IARS1: variants seen among roughly 807,000 people sequenced by gnomAD.
IARS1 encodes isoleucyl-tRNA synthetase 1.
Under a neutral mutation model 168.2 loss-of-function variants are expected in IARS1, and 124 were observed. The ratio of observed to expected loss-of-function variants is 0.74; its 90% CI spans 0.64 to 0.86. The LOEUF (loss-of-function observed/expected upper bound fraction) is 0.86, where lower values mean the gene tolerates loss of function less well. IARS1 is among the 40% of genes least tolerant of loss of function. The probability of loss-of-function intolerance (pLI) is 0.00; values close to 1 mark genes in which losing one functional copy is unlikely to be tolerated. For missense variants in IARS1, 1,452 were observed against 1,515.8 expected (o/e 0.96, Z 0.70); for synonymous variants, 532 against 529.4 (o/e 1.00, Z -0.07).
rs753451277 is a variant in IARS1, at chr9:92,222,525, G to A, written c.3701C>T (p.Thr1234Met). ...ACGGTCCACAATCTCCTTACCCTGC[G>A]TTTGGGTCTCATTCAGAAACAGCTT... Reference protein sequence around the residue: ...KLKLFLNETQTQEITEDIPVK... With the variant: ...KLKLFLNETQMQEITEDIPVK... Residue 1234 changes from threonine (T) to methionine (M), a missense_variant, in exon 33 of 34, where the codon ACG becomes ATG. Coordinates refer to ENST00000443024, the MANE Select transcript of IARS1 (RefSeq NM_002161.6). The A allele has an allele frequency of 9.3e-6, 15 of 1,613,570 alleles. No homozygotes were observed. The highest frequency in any genetic ancestry group is 3.3e-5 in the Admixed American group (2 of 59,876).
chr9:92,232,405 G>A (rs1826857920), intron 30 of IARS1, among the ~76,000 whole-genome samples: 2 of 152,178 alleles, frequency 1.3e-5, no homozygotes, highest in South Asian at 2.1e-4. Flanking sequence ...GTTATAACTA[G>A]AATAAGAGAA....
chr9:92,280,653 T>C, intron 7 of IARS1, 93 bp downstream of exon 7: 1 of 714,608 alleles, frequency 1.4e-6, no homozygotes, highest in South Asian at 2.9e-5. Context: ...ATAATTCTAT[T>C]CTTCATGCAA....
Position 92,229,081 on chromosome 9 carries a change from T to C in IARS1, c.3329A>G (p.Asp1110Gly), listed in dbSNP as rs1826214346. The stretch of plus-strand genomic sequence containing the variant: ...GACAACACTCTTCAGCTTTAAAAGG[T>C]CCAACCTATTGTCACCTTTTGGATT... ...LENPKGDNRL[D>G]LLKLKSVVTS... The change falls in exon 31 of 34, where the codon GAC (aspartate) becomes GGC (glycine). Residue 1110 changes from aspartate (D) to glycine (G), a missense_variant. Transcript: ENST00000443024. The C allele has an allele frequency of 1.2e-6, 2 of 1,613,856 alleles. No homozygotes were observed. The highest frequency in any genetic ancestry group is 2.2e-5 in the South Asian group (2 of 91,056).
chr9:92,290,661 T>C (rs1836176701), intron 1 of IARS1, among the ~76,000 whole-genome samples: 1 of 152,194 alleles, frequency 6.6e-6, no homozygotes, highest in Non-Finnish European at 1.5e-5. Context: ...CAAATAATTT[T>C]ATTTTCGTAT....
intron 11 of IARS1, 40 bp downstream of exon 11, chr9:92,271,493 G>A: frequency 1.9e-6 from 3 of 1,610,306 alleles, no homozygotes; most frequent in Non-Finnish European, 2.5e-6. Context: ...AGACTAATCA[G>A]AAGTAACAGT....
chr9:92,242,119 C>G (rs375920827), intron 29 of IARS1, 35 bp downstream of exon 29: 3 of 1,546,778 alleles, frequency 1.9e-6, no homozygotes, highest in Admixed American at 3.4e-5. Context: ...AATCTGAAAC[C>G]CTTTAGTAGT....
chr9:92,223,371 T>A lies in IARS1; in HGVS notation c.3528A>T (p.Leu1176=). Reference sequence around the variant, plus strand: ...CTTGTGGCTTTGCATTCAGGAGCTGTAGGTTGATATACTGACAAAGAAGAG... The same window carrying A: ...CTTGTGGCTTTGCATTCAGGAGCTGAAGGTTGATATACTGACAAAGAAGAG... ...SSTLLCQYIN[L]QLLNAKPQEC... The change falls in exon 32 of 34, where the codon CTA becomes CTT. Residue 1176 remains leucine, a synonymous_variant. Transcript: ENST00000443024. 4 of 1,613,186 alleles carry A rather than the reference T, an allele frequency of 2.5e-6. No homozygotes were observed. Among genetic ancestry groups the A allele is most frequent in the Non-Finnish European group, 3.4e-6 (4 of 1,179,418 alleles).
chr9:92,237,797 A>G (rs1336071085), intron 30 of IARS1, among the ~76,000 whole-genome samples: 1 of 152,084 alleles, frequency 6.6e-6, no homozygotes, highest in Non-Finnish European at 1.5e-5. Context: ...CATAGTATAT[A>G]TTTTTCTACC....
chr9:92,222,445 A>G (rs1367044422), intron 33 of IARS1, 75 bp downstream of exon 33: 1 of 1,198,958 alleles, frequency 8.3e-7, no homozygotes, highest in African/African-American at 1.5e-5. Flanking sequence ...TTACATGTAT[A>G]TGCTACAAAT....
Position 92,256,789 on chromosome 9 carries a change from T to C in IARS1, c.2028A>G (p.Ile676Met), listed in dbSNP as rs1295815546. Residue 676 changes from isoleucine to methionine, a missense_variant, in exon 20 of 34, where the codon ATA (isoleucine) becomes ATG (methionine). Physicochemically the swap from Ile to Met is conservative, Grantham distance 10. Coordinates refer to ENST00000443024, the MANE Select transcript of IARS1 (RefSeq NM_002161.6). ...CCGTGTTCTCATTGTAGAGAAATTCTATTTCTTCCTCCTAGGAAGGAACAA... is the reference window on the plus strand; with the variant it reads ...CCGTGTTCTCATTGTAGAGAAATTCCATTTCTTCCTCCTAGGAAGGAACAA... ...NVLRLQKEEE[I>M]EFLYNENTVR... 1.2e-6 allele frequency: 2 copies of C among 1,612,792 alleles called. No homozygotes were observed. Among genetic ancestry groups the C allele is most frequent in the Non-Finnish European group, 8.5e-7 (1 of 1,179,054 alleles).
At chr9:92,227,780 C>A (rs911072436) in intron 31 of IARS1, among the ~76,000 whole-genome samples, 22 of 151,284 alleles carry the variant, frequency 1.5e-4, no homozygotes, top group Non-Finnish European at 2.9e-4. Flanking sequence ...GATGGGATGG[C>A]GGCCGGGAAG....
Position 92,258,753 on chromosome 9 carries a change from C to T in IARS1, c.2016+101G>A, listed in dbSNP as rs768823283. 4.9e-6 allele frequency: 6 copies of T among 1,234,718 alleles called. No individual in the cohort carries two copies. In the African/African-American group the frequency reaches 9.1e-5, roughly 19 times the overall value. 76.5% of individuals were successfully genotyped at this position (1,234,718 alleles called of 1,614,324 possible). ...TACCCCAGCATCAGGCAGCAGAGAA[C>T]AGCAGCCCTAAAGTCTCACACAGAG... On this transcript the variant is annotated intron_variant, in intron 19 of 33. Transcript: ENST00000443024.
intron 33 of IARS1, among the ~76,000 whole-genome samples, chr9:92,217,663 A>C (rs1838952434): frequency 6.6e-6 from 1 of 152,130 alleles, no homozygotes; most frequent in East Asian, 1.9e-4. Context: ...CAAATAAACT[A>C]GAAAATCTAG....
In IARS1 at chr9:92,253,980, A is replaced by G. The variant is rs145104880; in HGVS notation, c.2138-527T>C. ...TTGGAGAAACATTTTGCTTGTCACAACTTGGAGGGTAGCACGGTGCTACTG... is the reference window on the plus strand; with the variant it reads ...TTGGAGAAACATTTTGCTTGTCACAGCTTGGAGGGTAGCACGGTGCTACTG... On this transcript the variant is annotated intron_variant, in intron 20 of 33. Coordinates refer to ENST00000443024, the MANE Select transcript of IARS1 (RefSeq NM_002161.6). 4 of 433,648 alleles carry G rather than the reference A, an allele frequency of 9.2e-6. No individual in the cohort carries two copies. In the East Asian group the frequency reaches 2.1e-4, roughly 23 times the overall value. The allele number at this position is 433,648 out of a possible 1,614,324, so 26.9% of individuals were successfully genotyped here.
intron 13 of IARS1, among the ~76,000 whole-genome samples, chr9:92,269,445 C>T (rs1832724216): frequency 1.3e-5 from 2 of 152,204 alleles, no homozygotes; most frequent in Admixed American, 1.3e-4. Context: ...GTGCTTGGAG[C>T]TTATCCATAC....
Position 92,252,321 on chromosome 9 carries a change from A to G in IARS1, c.2230-436T>C, listed in dbSNP as rs926523369. 6.0e-5 allele frequency: 29 copies of G among 483,460 alleles called. No individual in the cohort carries two copies. In the Admixed American group the frequency reaches 6.5e-4, roughly 11 times the overall value. 29.9% of individuals were successfully genotyped at this position (483,460 alleles called of 1,614,324 possible). On this transcript the variant is annotated intron_variant, in intron 21 of 33. Coordinates refer to ENST00000443024, the MANE Select transcript of IARS1 (RefSeq NM_002161.6). The stretch of plus-strand genomic sequence containing the variant: ...ACCAATTCATTGAAATTTTTTCATT[A>G]TCTTTGTTTTTCCTACAATCATAAT...
chr9:92,287,716 G>C lies in IARS1; in HGVS notation c.396+75C>G, dbSNP rs559920564. ...AAATAAATTAATAAAAAAAGCACAA[G>C]GGACCATAAACCATTTCAATGCCCA... is the stretch of plus-strand genomic sequence containing the variant. On this transcript the variant is annotated intron_variant, in intron 4 of 33. Transcript: ENST00000443024. 9.6e-5 allele frequency: 139 copies of C among 1,448,718 alleles called. 1 individual carries two copies. In the African/African-American group the frequency reaches 1.9e-3, roughly 20 times the overall value. 89.7% of individuals were successfully genotyped at this position (1,448,718 alleles called of 1,614,324 possible). A position where few individuals can be genotyped will look rare whatever the true frequency, so the allele number is the denominator to read the frequency against.
At chr9:92,256,021 A>AT (rs1468975566) in intron 20 of IARS1, among the ~76,000 whole-genome samples, 5 of 149,308 alleles carry the variant, frequency 3.3e-5, no homozygotes, top group African/African-American at 9.7e-5. Context: ...CTATGTACCC[A>AT]TAAAAAAAAA....
At chr9:92,236,184 A>G (rs1827495669) in intron 30 of IARS1, among the ~76,000 whole-genome samples, 1 of 151,946 alleles carries the variant, frequency 6.6e-6, no homozygotes, top group Non-Finnish European at 1.5e-5. Flanking sequence ...GTGTTTCACC[A>G]TGTTGGCCAG....
Sources: allele counts gnomAD v4.1 joint callset (sites outside exome capture counted in the v4.1 genomes callset), GRCh38; gene constraint gnomAD v4.1.1; transcripts MANE v1.5; gene names NCBI Gene and HGNC (gene_info 2026-07-23, HGNC 2026-07-21).